Variants in UST observed in about 807,000 individuals in gnomAD.
UST encodes uronyl 2-sulfotransferase.
In UST, 21 loss-of-function variants were observed where a neutral mutation model predicts 45.6. The observed-to-expected ratio is 0.46, with a 90% CI of 0.33 to 0.66. The LOEUF (loss-of-function observed/expected upper bound fraction) is 0.66. Among genes scored for constraint, UST ranks in the 30% least tolerant of loss-of-function variants. The probability of loss-of-function intolerance (pLI) is 0.02; values close to 1 mark genes in which losing one functional copy is unlikely to be tolerated. For missense variants in UST, 463 were observed against 512.4 expected (o/e 0.90, Z 0.93); for synonymous variants, 215 against 200.6 (o/e 1.07, Z -0.61).
rs187803979 is a variant in UST at position 148,806,777 on chromosome 6, C to T, written c.247+59100C>T. Among the ~76,000 whole-genome samples, 279 of 152,276 alleles carry T rather than the reference C, an allele frequency of 1.8e-3. 2 individuals carry two copies. Among genetic ancestry groups the T allele is most frequent in the East Asian group, 8.5e-3 (44 of 5,182 alleles). On this transcript the variant is annotated intron_variant, in intron 1 of 7. Transcript: ENST00000367463. ...AGGGCCTTCTTGCAGCATCAAAACA[C>T]GGCAGAAGGCATCACATGGCGAGGA...
intron 1 of UST, among the ~76,000 whole-genome samples, chr6:148,864,332 C>T (rs1467992391): frequency 6.6e-6 from 1 of 152,238 alleles, no homozygotes; most frequent in East Asian, 1.9e-4. Context: ...CCTGGTGTGC[C>T]ATTTGCTAAG....
chr6:148,750,625 G>A (rs1775972065), intron 1 of UST, among the ~76,000 whole-genome samples: 1 of 152,132 alleles, frequency 6.6e-6, no homozygotes, highest in Non-Finnish European at 1.5e-5. Flanking sequence ...ATGCAAATGG[G>A]AATCTAAAGA....
chr6:148,838,998 T>TTCGGATTCAACTGTTGTTCATTGAGTA (rs1192779613), intron 1 of UST, among the ~76,000 whole-genome samples: 1 of 152,190 alleles, frequency 6.6e-6, no homozygotes, highest in African/African-American at 2.4e-5. Context: ...CCGGCTAATA[T>TTCGGATTCAACTGTTGTTCATTGAGTA]TCGGATTCAA....
chr6:148,928,518 C>T (rs542225661), intron 2 of UST, among the ~76,000 whole-genome samples: 2 of 152,104 alleles, frequency 1.3e-5, no homozygotes, highest in East Asian at 1.9e-4. Flanking sequence ...ATAACAGTTC[C>T]CTATAGGAAA....
chr6:148,855,575 G>T (rs1314008641), intron 1 of UST, among the ~76,000 whole-genome samples: 1 of 152,210 alleles, frequency 6.6e-6, no homozygotes, highest in Non-Finnish European at 1.5e-5. Flanking sequence ...AAATTAAATG[G>T]TAGTTTCCAA....
At chr6:148,861,276 T>C (rs529783595) in intron 1 of UST, among the ~76,000 whole-genome samples, 1 of 152,334 alleles carries the variant, frequency 6.6e-6, no homozygotes, top group Admixed American at 6.5e-5. Context: ...TTTTCTAGTT[T>C]ATTTGCGTAG....
chr6:148,968,814 AACCATTATTGCCACTTC>A, intron 5 of UST, among the ~76,000 whole-genome samples: 1 of 152,350 alleles, frequency 6.6e-6, no homozygotes. Context: ...CTGCTGCCCT[AACCATTATTGCCACTTC>A]ACTAGGCCAT....
intron 1 of UST, among the ~76,000 whole-genome samples, chr6:148,792,376 C>T (rs1032030207): frequency 1.3e-5 from 2 of 152,212 alleles, no homozygotes; most frequent in Non-Finnish European, 1.5e-5. Flanking sequence ...GTCTTGCTCT[C>T]CTGCTAATAC....
chr6:148,863,284 C>T lies in UST; in HGVS notation c.248-23702C>T, dbSNP rs1383526188. ...ACTTATACCCTTTCTTCCACTTGATCGAATTGGCTACTGAAGCTTGTGCAT... is the reference window on the plus strand; with the variant it reads ...ACTTATACCCTTTCTTCCACTTGATTGAATTGGCTACTGAAGCTTGTGCAT... On this transcript the variant is annotated intron_variant, in intron 1 of 7. Transcript: ENST00000367463. Among the ~76,000 whole-genome samples the T allele has an allele frequency of 2.6e-5, 4 of 152,140 alleles. No individual in the cohort carries two copies. The East Asian group carries it at 7.7e-4, about 29-fold the overall frequency.
At chr6:148,908,093 G>A (rs138360938) in intron 2 of UST, among the ~76,000 whole-genome samples, 1 of 151,932 alleles carries the variant, frequency 6.6e-6, no homozygotes, top group Non-Finnish European at 1.5e-5. Flanking sequence ...ATTTTTAGTA[G>A]AGATATGGTT....
chr6:148,817,374 T>A (rs1258312043), intron 1 of UST, among the ~76,000 whole-genome samples: 1 of 152,210 alleles, frequency 6.6e-6, no homozygotes, highest in East Asian at 1.9e-4. Context: ...TTGAAGAGAT[T>A]TATTCTGAGC....
At position 148,812,941 on chromosome 6, in the gene UST, T is replaced by C. The variant is rs572389677; in HGVS notation, c.247+65264T>C. Among the ~76,000 whole-genome samples, 3 of 152,274 alleles carry C rather than the reference T, an allele frequency of 2.0e-5. No homozygotes were observed. In the East Asian group the frequency reaches 5.8e-4, roughly 29 times the overall value. On this transcript the variant is annotated intron_variant, in intron 1 of 7. Coordinates refer to ENST00000367463, the MANE Select transcript of UST (RefSeq NM_005715.3). ...CAAAAAATTCCTTTTTATTGGTAAA[T>C]GATAAGGGGGCATTTACTTTTAGCA...
intron 5 of UST, among the ~76,000 whole-genome samples, chr6:148,971,064 C>T (rs1484965907): frequency 6.6e-6 from 1 of 152,132 alleles, no homozygotes; most frequent in East Asian, 1.9e-4. Context: ...GATAACTTAG[C>T]AGGGGGGAGA....
At chr6:148,949,343 G>T (rs142243887) in intron 3 of UST, among the ~76,000 whole-genome samples, 1 of 144,720 alleles carries the variant, frequency 6.9e-6, no homozygotes, top group East Asian at 2.0e-4. Context: ...ATACTTATCC[G>T]TGGGTTTCTT....
At chr6:148,877,394 G>A (rs189964310) in intron 1 of UST, among the ~76,000 whole-genome samples, 48 of 48,718 alleles carry the variant, frequency 9.9e-4, no homozygotes, top group Middle Eastern at 0.016. Flanking sequence ...GTATGAGTGC[G>A]GGGGTCGTGT....
rs112310842 is a variant in UST, at chr6:149,011,153, G to A, written c.682-7986G>A. ...ATGAGATCCTGTCATTTGCAATGAC[G>A]TGGAGGTCATGTTGAATGGAACTGG... On this transcript the variant is annotated intron_variant, in intron 5 of 7. Transcript: ENST00000367463. Among the ~76,000 whole-genome samples, 493 of 152,288 alleles carry A rather than the reference G, an allele frequency of 3.2e-3. 4 individuals carry two copies. Among genetic ancestry groups the A allele is most frequent in the African/African-American group, 0.011 (472 of 41,546 alleles).
intron 1 of UST, among the ~76,000 whole-genome samples, chr6:148,843,565 G>T (rs956224404): frequency 6.6e-6 from 1 of 152,158 alleles, no homozygotes; most frequent in Admixed American, 6.6e-5. Flanking sequence ...TAATCATGAA[G>T]GTAACTCTCT....
intron 1 of UST, among the ~76,000 whole-genome samples, chr6:148,821,021 G>C: frequency 7.7e-6 from 1 of 129,182 alleles, no homozygotes; most frequent in African/African-American, 2.9e-5. Context: ...CCAGGCTGGA[G>C]TGCAGTGGCA....
At chr6:148,766,503 G>A (rs895063726) in intron 1 of UST, among the ~76,000 whole-genome samples, 6 of 152,168 alleles carry the variant, frequency 3.9e-5, no homozygotes, top group Non-Finnish European at 7.3e-5. Context: ...TATATGCTGA[G>A]TGCTAAGATA....
Sources: allele counts gnomAD v4.1 joint callset (sites outside exome capture counted in the v4.1 genomes callset), GRCh38; gene constraint gnomAD v4.1.1; transcripts MANE v1.5; gene names NCBI Gene and HGNC (gene_info 2026-07-23, HGNC 2026-07-21).